Variants in CNTNAP2 observed in about 807,000 individuals in gnomAD.
CNTNAP2 encodes contactin-associated protein-like 2.
CNTNAP2 carries 98 observed loss-of-function variants against 155.2 expected under a neutral mutation model. The ratio of observed to expected loss-of-function variants is 0.63; its 90% CI spans 0.54 to 0.75. The LOEUF (loss-of-function observed/expected upper bound fraction) is 0.75. Among genes scored for constraint, CNTNAP2 ranks in the 30% least tolerant of loss-of-function variants. The pLI is 0.00. For synonymous variants in CNTNAP2, 651 were observed against 631.2 expected, an observed-to-expected ratio of 1.03 and a Z score of -0.47; for missense variants, 1,727 against 1,688.1, an observed-to-expected ratio of 1.02 and a Z score of -0.40.
intron 13 of CNTNAP2, among the ~76,000 whole-genome samples, chr7:147,824,037 T>C (rs529621199): frequency 2.0e-5 from 3 of 152,298 alleles, no homozygotes; most frequent in East Asian, 3.9e-4. Flanking sequence ...CTTATCTATA[T>C]AAACCAGTAA....
At chr7:147,895,415 A>G (rs891062696) in intron 13 of CNTNAP2, among the ~76,000 whole-genome samples, 2 of 152,198 alleles carry the variant, frequency 1.3e-5, no homozygotes, top group Non-Finnish European at 2.9e-5. Flanking sequence ...CAAACAGTAT[A>G]GTGATTATAT....
intron 13 of CNTNAP2, among the ~76,000 whole-genome samples, chr7:147,737,305 C>T (rs921904086): frequency 6.6e-6 from 1 of 152,128 alleles, no homozygotes; most frequent in Non-Finnish European, 1.5e-5. Context: ...CCCTGTTTGC[C>T]TGGGTATCAG....
chr7:147,787,635 G>A (rs1171972912), intron 13 of CNTNAP2, among the ~76,000 whole-genome samples: 1 of 152,172 alleles, frequency 6.6e-6, no homozygotes, highest in Non-Finnish European at 1.5e-5. Flanking sequence ...AATTTTTTAA[G>A]GTGCTTAGAA....
chr7:148,365,002 C>G (rs1428014031), intron 21 of CNTNAP2, among the ~76,000 whole-genome samples: 1 of 152,204 alleles, frequency 6.6e-6, no homozygotes, highest in Non-Finnish European at 1.5e-5. Flanking sequence ...ATCTGAACAT[C>G]AGAAGGGACT....
intron 3 of CNTNAP2, among the ~76,000 whole-genome samples, chr7:146,917,562 C>G (rs1326088414): frequency 6.6e-6 from 1 of 152,014 alleles, no homozygotes; most frequent in Non-Finnish European, 1.5e-5. Flanking sequence ...GATATAATGT[C>G]CTTCTTTGTC....
intron 1 of CNTNAP2, among the ~76,000 whole-genome samples, chr7:146,605,088 A>T (rs80116081): frequency 0.031 from 2,317 of 75,198 alleles, 80 homozygotes; most frequent in South Asian, 0.054. Context: ...AAAAAACAAC[A>T]AAAAAAAAAA....
At chr7:146,380,319 G>C (rs561043145) in intron 1 of CNTNAP2, among the ~76,000 whole-genome samples, 1 of 152,100 alleles carries the variant, frequency 6.6e-6, no homozygotes, top group Non-Finnish European at 1.5e-5. Flanking sequence ...TAGTAAAAGC[G>C]TTATATCTCA....
intron 1 of CNTNAP2, among the ~76,000 whole-genome samples, chr7:146,474,855 C>G (rs1424844650): frequency 6.6e-6 from 1 of 152,144 alleles, no homozygotes; most frequent in Non-Finnish European, 1.5e-5. Flanking sequence ...TGCTTCTCAT[C>G]TCTACTTATC....
chr7:147,690,486 C>A (rs147087264), intron 13 of CNTNAP2, among the ~76,000 whole-genome samples: 1 of 152,034 alleles, frequency 6.6e-6, no homozygotes, highest in Non-Finnish European at 1.5e-5. Flanking sequence ...CAGGCATTTA[C>A]GATGATGGTG....
intron 1 of CNTNAP2, among the ~76,000 whole-genome samples, chr7:146,428,601 T>G (rs1158153005): frequency 6.6e-6 from 1 of 151,542 alleles, no homozygotes; most frequent in African/African-American, 2.4e-5. Context: ...GTTGTTTGTT[T>G]TTTTTTCTTT....
chr7:146,918,186 G>A (rs574073962), intron 3 of CNTNAP2, among the ~76,000 whole-genome samples: 2 of 152,104 alleles, frequency 1.3e-5, no homozygotes, highest in South Asian at 4.1e-4. Flanking sequence ...TTCAATATTA[G>A]TATTGAGAGG....
chr7:147,087,881 G>A (rs1472206246), intron 4 of CNTNAP2, among the ~76,000 whole-genome samples: 2 of 152,124 alleles, frequency 1.3e-5, no homozygotes, highest in African/African-American at 4.8e-5. Flanking sequence ...GGAGGCTGAG[G>A]CAGGAGATCC....
intron 11 of CNTNAP2, among the ~76,000 whole-genome samples, chr7:147,527,429 T>A (rs906989116): frequency 2.6e-5 from 4 of 152,174 alleles, no homozygotes; most frequent in African/African-American, 9.7e-5. Flanking sequence ...AAATTGGAAA[T>A]GCAGCTTAAG....
intron 3 of CNTNAP2, among the ~76,000 whole-genome samples, chr7:147,038,427 A>G (rs1440711817): frequency 2.0e-5 from 3 of 152,218 alleles, no homozygotes. Flanking sequence ...TCAGAAACAA[A>G]CAAATAAGGA....
At chr7:147,764,639 T>C (rs1330175390) in intron 13 of CNTNAP2, among the ~76,000 whole-genome samples, 1 of 152,198 alleles carries the variant, frequency 6.6e-6, no homozygotes, top group Non-Finnish European at 1.5e-5. Context: ...ATAATCTTGG[T>C]TTATCTCTGT....
At position 147,515,321 on chromosome 7, in the gene CNTNAP2, C is replaced by CTTTTTTTTTTTTTTTTTTTTTTTTT. The variant is rs763147267; in HGVS notation, c.1777+29287_1777+29288insTTTTTTTTTTTTTTTTTTTTTTTTT. Among the ~76,000 whole-genome samples, 4 of 126,166 alleles carry CTTTTTTTTTTTTTTTTTTTTTTTTT rather than the reference C, an allele frequency of 3.2e-5. 1 individual carries two copies. Among genetic ancestry groups the CTTTTTTTTTTTTTTTTTTTTTTTTT allele is most frequent in the Non-Finnish European group, 3.3e-5 (2 of 60,502 alleles). 82.8% of individuals were successfully genotyped at this position (126,166 alleles called of 152,430 possible). On this transcript the variant is annotated intron_variant, in intron 11 of 23. Coordinates refer to ENST00000361727, the MANE Select transcript of CNTNAP2 (RefSeq NM_014141.6). ...ATTTTTCTTCATAGTTCATTATATT[C>CTTTTTTTTTTTTTTTTTTTTTTTTT]TTTTTTTGTTTGTTTGTTTTGAGAC...
intron 1 of CNTNAP2, among the ~76,000 whole-genome samples, chr7:146,502,053 T>C (rs924529948): frequency 6.6e-6 from 1 of 151,804 alleles, no homozygotes; most frequent in Non-Finnish European, 1.5e-5. Context: ...CCTAACTACA[T>C]GAAGTGAATA....
intron 23 of CNTNAP2, among the ~76,000 whole-genome samples, chr7:148,410,972 A>C (rs1799821216): frequency 6.6e-6 from 1 of 152,222 alleles, no homozygotes; most frequent in African/African-American, 2.4e-5. Context: ...ATATACGTGT[A>C]ACAAATTTTC....
intron 13 of CNTNAP2, among the ~76,000 whole-genome samples, chr7:147,770,948 G>A (rs537827003): frequency 6.6e-6 from 1 of 152,102 alleles, no homozygotes; most frequent in African/African-American, 2.4e-5. Context: ...ATACATAAAA[G>A]CTTATTGTAA....
Sources: gnomAD v4.1 joint callset for allele counts (sites outside exome capture counted in the v4.1 genomes callset) on GRCh38, gnomAD v4.1.1 for gene constraint, MANE v1.5 for transcripts, NCBI Gene and HGNC (gene_info 2026-07-23, HGNC 2026-07-21) for gene names.